ATP2B2: variants seen among roughly 807,000 people sequenced by gnomAD.
ATP2B2 encodes the protein ATPase plasma membrane Ca2+ transporting 2.
Under a neutral mutation model 120.0 loss-of-function variants are expected in ATP2B2, and 15 were observed. That is an observed-to-expected ratio of 0.12 (90% CI 0.08 to 0.19). ATP2B2 has a LOEUF of 0.19. Ranked by LOEUF, ATP2B2 falls within the 10% of genes least tolerant of loss-of-function variation. ATP2B2 has a pLI of 1.00. For missense variants in ATP2B2, 1,045 were observed against 1,719.8 expected (o/e 0.61, Z 6.94); for synonymous variants, 694 against 700.3 (o/e 0.99, Z 0.14).
chr3:10,407,194 TG>T (rs2062444313), intron 3 of ATP2B2, among the ~76,000 whole-genome samples: 1 of 151,908 alleles, frequency 6.6e-6, no homozygotes, highest in Non-Finnish European at 1.5e-5. Context: ...GGGGTGGGGG[TG>T]GGGATGCTGT....
intron 12 of ATP2B2, among the ~76,000 whole-genome samples, chr3:10,364,948 C>T (rs773395530): frequency 2.6e-5 from 4 of 152,226 alleles, no homozygotes; most frequent in Non-Finnish European, 5.9e-5. Flanking sequence ...TAGCCATGCC[C>T]GTTTCCCCAA....
intron 17 of ATP2B2, among the ~76,000 whole-genome samples, 167 bp from the exon 18 acceptor site, chr3:10,345,742 C>T (rs2060412568): frequency 6.6e-6 from 1 of 152,158 alleles, no homozygotes; most frequent in Non-Finnish European, 1.5e-5. Context: ...CTCACAGACC[C>T]AGCTCCCTTC....
intron 2 of ATP2B2, among the ~76,000 whole-genome samples, chr3:10,595,277 G>A (rs1211763494): frequency 7.2e-5 from 11 of 152,032 alleles, no homozygotes; most frequent in Non-Finnish European, 1.6e-4. Context: ...GGAAGGAGGC[G>A]TGCTGGAGGT....
intron 14 of ATP2B2, among the ~76,000 whole-genome samples, chr3:10,354,958 G>A (rs550803236): frequency 1.7e-4 from 26 of 152,258 alleles, no homozygotes; most frequent in African/African-American, 6.0e-4. Flanking sequence ...TGGGGTGCTT[G>A]ACAAAAACAC....
Position 10,683,760 on chromosome 3 carries a change from G to GTGTATATATATATA in ATP2B2, c.-460+24154_-460+24155insTATATATATATACA, listed in dbSNP as rs1446781892. Among the ~76,000 whole-genome samples, 35 of 53,892 alleles carry GTGTATATATATATA rather than the reference G, an allele frequency of 6.5e-4. 1 individual carries two copies. Among genetic ancestry groups the GTGTATATATATATA allele is most frequent in the East Asian group, 1.9e-3 (2 of 1,040 alleles). The allele number at this position is 53,892 out of a possible 152,430, so 35.4% of individuals were successfully genotyped here. A position where few individuals can be genotyped will look rare whatever the true frequency, so the allele number is the denominator to read the frequency against. ...TATGTGTATATATATGTGTGTGTGT[G>GTGTATATATATATA]TATATATATATATATATATATATAT... On this transcript the variant is annotated intron_variant, in intron 1 of 21. Coordinates refer to the ATP2B2 transcript ENST00000646379.
intron 3 of ATP2B2, among the ~76,000 whole-genome samples, chr3:10,519,378 A>AG (rs2066937900): frequency 6.6e-6 from 1 of 152,236 alleles, no homozygotes; most frequent in Admixed American, 6.5e-5. Context: ...GGGCCTTTCA[A>AG]GGGGCTATTG....
intron 2 of ATP2B2, among the ~76,000 whole-genome samples, chr3:10,444,074 G>A (rs1468364026): frequency 2.6e-5 from 4 of 152,050 alleles, no homozygotes; most frequent in Non-Finnish European, 5.9e-5. Flanking sequence ...TTCTCCTCTC[G>A]GCCTCATACC....
At chr3:10,683,780 A>G (rs868156110) in intron 1 of ATP2B2, among the ~76,000 whole-genome samples, 5,829 of 113,216 alleles carry the variant, frequency 0.051, 854 homozygotes, top group African/African-American at 0.19. Flanking sequence ...ATATATATAT[A>G]TATATATATA....
intron 3 of ATP2B2, among the ~76,000 whole-genome samples, chr3:10,409,196 TA>T (rs2062521945): frequency 6.6e-6 from 1 of 152,230 alleles, no homozygotes. Context: ...ATATTTGGTA[TA>T]AAACTTCTTC....
At chr3:10,358,593 G>A (rs1348679527) in intron 14 of ATP2B2, 98 bp downstream of exon 14, 1 of 1,155,742 alleles carries the variant, frequency 8.7e-7, no homozygotes, top group Non-Finnish European at 1.3e-6. Flanking sequence ...TGTGGAAACT[G>A]AGACTCAAAG....
chr3:10,507,836 G>C (rs2066677137), upstream of ATP2B2, among the ~76,000 whole-genome samples: 1 of 152,206 alleles, frequency 6.6e-6, no homozygotes, highest in African/African-American at 2.4e-5. Flanking sequence ...AGTTCAGGGG[G>C]ATGTGGTGGC....
chr3:10,432,863 T>C (rs73117750), intron 2 of ATP2B2, among the ~76,000 whole-genome samples: 2,693 of 152,158 alleles, frequency 0.018, 83 homozygotes, highest in African/African-American at 0.061. Flanking sequence ...AGGTTGCTGT[T>C]GGCTTTGGCC....
intron 21 of ATP2B2, chr3:10,338,686 A>C: frequency 2.8e-6 from 1 of 363,100 alleles, no homozygotes. Flanking sequence ...ACCCCAGACA[A>C]CCCTGGTCCT....
At chr3:10,373,252 G>A (rs2061292258) in intron 11 of ATP2B2, among the ~76,000 whole-genome samples, 1 of 152,222 alleles carries the variant, frequency 6.6e-6, no homozygotes, top group African/African-American at 2.4e-5. Flanking sequence ...TTTGGCAACT[G>A]AAGAAATCTA....
chr3:10,683,997 A>G (rs2071456053), intron 1 of ATP2B2, among the ~76,000 whole-genome samples: 1 of 151,776 alleles, frequency 6.6e-6, no homozygotes, highest in Non-Finnish European at 1.5e-5. Context: ...CAGAAACCTC[A>G]TCTACCCTTG....
chr3:10,585,493 G>GAAAAAAAAAA (rs60670471), intron 2 of ATP2B2, among the ~76,000 whole-genome samples: 1,847 of 28,478 alleles, frequency 0.065, 318 homozygotes, highest in Non-Finnish European at 0.081. Context: ...GACTCCGTCT[G>GAAAAAAAAAA]AAAAAAAAAA....
chr3:10,542,223 G>T (rs1468056931), intron 2 of ATP2B2, among the ~76,000 whole-genome samples: 6 of 152,066 alleles, frequency 3.9e-5, no homozygotes, highest in African/African-American at 1.4e-4. Flanking sequence ...CTTTGAATTG[G>T]TGTATTTGGG....
At chr3:10,630,053 G>A (rs1044085079) in intron 1 of ATP2B2, among the ~76,000 whole-genome samples, 29 of 152,206 alleles carry the variant, frequency 1.9e-4, no homozygotes, top group African/African-American at 5.8e-4. Flanking sequence ...AGTGTGGGGC[G>A]TTGCTCTTCG....
At position 10,340,431 on chromosome 3, in the gene ATP2B2, G is replaced by GC; in HGVS notation, c.3129+61dup. The GC allele has an allele frequency of 3.1e-6, 5 of 1,613,404 alleles. No homozygotes were observed. On this transcript the variant is annotated intron_variant, in intron 20 of 22. Coordinates refer to ENST00000360273, the MANE Select transcript of ATP2B2 (RefSeq NM_001001331.4). This position sits in a 1 kb window ranked among gnomAD's most constrained non-coding sequence, Gnocchi z 5.0. Reference sequence around the variant, plus strand: ...CAGAGGGCTGGGCTCTCAGGGTCCTGCCCAGGGGCTCCAGCCGCTTGCTGC... The same window carrying GC: ...CAGAGGGCTGGGCTCTCAGGGTCCTGCCCCAGGGGCTCCAGCCGCTTGCTGC...
Sources: allele counts gnomAD v4.1 joint callset (sites outside exome capture counted in the v4.1 genomes callset), GRCh38; gene constraint gnomAD v4.1.1; non-coding constraint Gnocchi (gnomAD v3.1); transcripts MANE v1.5; gene names NCBI Gene and HGNC (gene_info 2026-07-23, HGNC 2026-07-21).